Variants in ENOSF1 observed in about 807,000 individuals in gnomAD.
ENOSF1 encodes the protein enolase superfamily member 1.
In ENOSF1, 73 loss-of-function variants were observed where a neutral mutation model predicts 68.2. The ratio of observed to expected loss-of-function variants is 1.07; its 90% CI spans 0.89 to 1.30. The LOEUF (loss-of-function observed/expected upper bound fraction) is 1.30. Among genes scored for constraint, ENOSF1 ranks in the 50% most tolerant of loss-of-function variants. The pLI is 0.00. For missense variants in ENOSF1, 589 were observed against 554.5 expected (o/e 1.06, Z -0.62); for synonymous variants, 223 against 210.4 (o/e 1.06, Z -0.52).
intron 10 of ENOSF1, among the ~76,000 whole-genome samples, chr18:683,755 G>A (rs1353261791): frequency 1.3e-5 from 2 of 151,432 alleles, no homozygotes; most frequent in African/African-American, 2.4e-5. Flanking sequence ...AAACCATTTT[G>A]TCACATTCTG....
downstream of ENOSF1, chr18:669,435 T>C (rs575973496): frequency 6.2e-6 from 2 of 323,506 alleles, no homozygotes; most frequent in East Asian, 1.1e-4. Flanking sequence ...TGCAACGGCG[T>C]GATCTTGGCT....
chr18:700,890 C>CAAAAAAAAAAAAAAAAAAAAA (rs71174273), intron 2 of ENOSF1, among the ~76,000 whole-genome samples: 2 of 64,916 alleles, frequency 3.1e-5, no homozygotes, highest in Non-Finnish European at 5.6e-5. Context: ...AACTCTGCCT[C>CAAAAAAAAAAAAAAAAAAAAA]AAAAAAAAAA....
chr18:669,187 C>T (rs35710611), downstream of ENOSF1: 5,576 of 1,608,380 alleles, frequency 3.5e-3, 176 homozygotes, highest in African/African-American at 0.067. Context: ...GAAAGAACCC[C>T]GTCGTCTTCA....
chr18:706,966 G>A (rs903580389), intron 1 of ENOSF1, among the ~76,000 whole-genome samples: 10 of 151,758 alleles, frequency 6.6e-5, no homozygotes, highest in East Asian at 1.9e-4. Context: ...TTACAGGCAC[G>A]TGCCACCACA....
Position 693,902 on chromosome 18 carries a change from A to G in ENOSF1, c.403T>C (p.Trp135Arg). The change falls in exon 5 of 16, where the codon TGG (tryptophan) becomes CGG (arginine). Residue 135 changes from tryptophan (W) to arginine (R), a missense_variant. Trp to Arg is a moderately radical substitution (Grantham distance 101). Transcript: ENST00000647584. ...LWAKQEGKPVWKLLVDMDPRM... is the reference protein window; with the variant it reads ...LWAKQEGKPVRKLLVDMDPRM... ...CTCACCATGTCCACAAGTAACTTCC[A>G]GACAGGCTTGAAGTAAAAAAGAAAG... The G allele has an allele frequency of 1.2e-6, 2 of 1,614,138 alleles. No individual in the cohort carries two copies. Among genetic ancestry groups the G allele is most frequent in the East Asian group, 2.2e-5 (1 of 44,884 alleles).
intron 2 of ENOSF1, among the ~76,000 whole-genome samples, chr18:700,938 G>A (rs1422774705): frequency 6.8e-6 from 1 of 148,148 alleles, no homozygotes. Flanking sequence ...GGCTGTGGCA[G>A]GAAATTGACT....
At chr18:690,994 C>A (rs1014044119) in intron 7 of ENOSF1, 74 bp downstream of exon 7, 6 of 1,517,020 alleles carry the variant, frequency 4.0e-6, no homozygotes, top group Non-Finnish European at 5.5e-6. Flanking sequence ...ACAATGTGTA[C>A]CCCAAAAGGA....
At position 691,056 on chromosome 18, in the gene ENOSF1, C is replaced by T. The variant is rs2077105801; in HGVS notation, c.535+12G>A. 1 of 1,613,886 alleles carries T rather than the reference C, an allele frequency of 6.2e-7. No individual in the cohort carries two copies. Among genetic ancestry groups the T allele is most frequent in the African/African-American group, 1.3e-5 (1 of 74,938 alleles). ...TAGCAAAAACAATGAAGAAAATTTT[C>T]TTACAACCCACCTCTTTCTTTTTTA... On this transcript the variant is annotated intron_variant, in intron 7 of 15. Transcript: ENST00000647584.
In ENOSF1 at chr18:671,784, TC is replaced by T. The variant is rs1247614705; in HGVS notation, c.*2520del. The T allele has an allele frequency of 4.2e-6, 1 of 239,862 alleles. No homozygotes were observed. The highest frequency in any genetic ancestry group is 4.3e-5 in the African/African-American group (1 of 23,296). 14.9% of individuals were successfully genotyped at this position (239,862 alleles called of 1,614,324 possible). A position where few individuals can be genotyped will look rare whatever the true frequency, so the allele number is the denominator to read the frequency against. ...ATTGAAGTGCAAATGTTTTTCCTTT[TC>T]TTTTTTTTTTGAGATGGAGTCTTTC... On this transcript the variant is annotated 3_prime_UTR_variant, in exon 16 of 16. Transcript: ENST00000647584.
intron 9 of ENOSF1, chr18:688,350 A>G: frequency 5.5e-6 from 3 of 542,686 alleles, no homozygotes; most frequent in Non-Finnish European, 9.9e-6. Flanking sequence ...ACAATCTCCC[A>G]AGCCTCTTTC....
At chr18:668,109 G>C (rs571377), downstream of ENOSF1, among the ~76,000 whole-genome samples, 69 of 150,314 alleles carry the variant, frequency 4.6e-4, no homozygotes, top group Non-Finnish European at 7.4e-4. Flanking sequence ...GCATTCCTCA[G>C]AGTTGTCAGA....
chr18:709,760 ACT>A (rs2079315132), intron 1 of ENOSF1, among the ~76,000 whole-genome samples: 2 of 151,428 alleles, frequency 1.3e-5, no homozygotes, highest in South Asian at 2.1e-4. Flanking sequence ...AACAAGCGAG[ACT>A]CTGTCTAAAA....
intron 15 of ENOSF1, 35 bp downstream of exon 15, chr18:675,286 A>G (rs944441723): frequency 6.4e-7 from 1 of 1,553,626 alleles, no homozygotes; most frequent in South Asian, 1.2e-5. Flanking sequence ...GGCTGGCAGC[A>G]TCTCTTCTAC....
intron 5 of ENOSF1, chr18:693,621 C>CACCGTGTGTT (rs2077425429): frequency 1.0e-6 from 1 of 985,326 alleles, no homozygotes; most frequent in Non-Finnish European, 1.2e-6. Flanking sequence ...AGAGAACTGG[C>CACCGTGTGTT]ACCGTGTGTT....
At chr18:700,292 C>T (rs1190860048) in intron 2 of ENOSF1, among the ~76,000 whole-genome samples, 2 of 152,148 alleles carry the variant, frequency 1.3e-5, no homozygotes, top group Non-Finnish European at 2.9e-5. Context: ...GAGTCCTCCT[C>T]ACTTCTTGAA....
intron 1 of ENOSF1, among the ~76,000 whole-genome samples, chr18:709,178 C>T (rs2079245942): frequency 1.3e-5 from 2 of 152,056 alleles, no homozygotes; most frequent in African/African-American, 4.8e-5. Flanking sequence ...GAGGCAGATC[C>T]GGAAATGAGA....
downstream of ENOSF1, among the ~76,000 whole-genome samples, chr18:666,428 A>G (rs1294753629): frequency 2.0e-5 from 3 of 151,928 alleles, no homozygotes; most frequent in Admixed American, 1.3e-4. Flanking sequence ...GAAACATCTC[A>G]CTCCTGGACT....
intron 8 of ENOSF1, among the ~76,000 whole-genome samples, chr18:689,165 C>T (rs893284859): frequency 6.6e-6 from 1 of 152,212 alleles, no homozygotes; most frequent in Non-Finnish European, 1.5e-5. Context: ...TTACCCTAGG[C>T]TGTCACCTTC....
chr18:712,460 G>C, intron 1 of ENOSF1, 44 bp downstream of exon 1: 1 of 1,531,690 alleles, frequency 6.5e-7, no homozygotes, highest in Non-Finnish European at 8.7e-7. Flanking sequence ...CATGGCGTCC[G>C]CGCTTACCAT....
Sources: allele counts gnomAD v4.1 joint callset (sites outside exome capture counted in the v4.1 genomes callset), GRCh38; gene constraint gnomAD v4.1.1; transcripts MANE v1.5; gene names NCBI Gene and HGNC (gene_info 2026-07-23, HGNC 2026-07-21).